Variants in PABPC4L observed in about 807,000 individuals in gnomAD.
PABPC4L encodes the protein polyadenylate-binding protein 4-like.
For missense variants in PABPC4L, 452 were observed against 451.4 expected (o/e 1.00, Z -0.01); for synonymous variants, 169 against 164.1 (o/e 1.03, Z -0.23).
chr4:134,156,767 A>T, the PABPC4L span, among the ~76,000 whole-genome samples: 1 of 151,854 alleles, frequency 6.6e-6, no homozygotes, highest in Admixed American at 6.6e-5. Context: ...TTGTTATCCC[A>T]TAACACAACT....
At chr4:134,201,417 G>T (rs1209269358) in intron 1 of PABPC4L, among the ~76,000 whole-genome samples, 172 bp from the exon 2 acceptor site, 1 of 152,124 alleles carries the variant, frequency 6.6e-6, no homozygotes, top group East Asian at 1.9e-4. Flanking sequence ...AGTTACAGCC[G>T]CTCAGGGAAG....
the PABPC4L span, among the ~76,000 whole-genome samples, chr4:134,162,939 T>G: frequency 6.6e-6 from 1 of 152,190 alleles, no homozygotes; most frequent in Non-Finnish European, 1.5e-5. Flanking sequence ...GGCAACCCAA[T>G]ATCTCATTTA....
the PABPC4L span, among the ~76,000 whole-genome samples, chr4:133,973,706 T>A: frequency 6.6e-6 from 1 of 152,120 alleles, no homozygotes; most frequent in Non-Finnish European, 1.5e-5. Context: ...ACCACTCAGT[T>A]TATCTTTATT....
the PABPC4L span, among the ~76,000 whole-genome samples, chr4:134,084,226 T>C: frequency 1.5e-3 from 232 of 152,088 alleles, 1 homozygote; most frequent in African/African-American, 5.2e-3. Context: ...TTTTAAAAGA[T>C]TGTAGAGAAG....
At chr4:133,976,781 G>T in the PABPC4L span, among the ~76,000 whole-genome samples, 2 of 151,974 alleles carry the variant, frequency 1.3e-5, no homozygotes, top group Non-Finnish European at 2.9e-5. Flanking sequence ...ATCTGTTCAT[G>T]TCCTTTGCCC....
chr4:134,000,252 T>C, the PABPC4L span, among the ~76,000 whole-genome samples: 4 of 152,244 alleles, frequency 2.6e-5, no homozygotes, highest in African/African-American at 7.2e-5. Flanking sequence ...ACAGCATTAA[T>C]GCCATGAACA....
the PABPC4L span, among the ~76,000 whole-genome samples, chr4:134,156,916 C>G: frequency 6.6e-6 from 1 of 151,862 alleles, no homozygotes; most frequent in East Asian, 1.9e-4. Context: ...CTGAGGTACA[C>G]TCTAATTTAG....
Position 134,196,955 on chromosome 4 carries a change from T to C in PABPC4L, c.*2952A>G, listed in dbSNP as rs1246813633. The C allele has an allele frequency of 6.6e-6, 1 of 151,724 alleles. No individual in the cohort carries two copies. The highest frequency in any genetic ancestry group is 1.5e-5 in the Non-Finnish European group (1 of 67,636). 9.4% of individuals were successfully genotyped at this position (151,724 alleles called of 1,614,324 possible). A position where few individuals can be genotyped will look rare whatever the true frequency, so the allele number is the denominator to read the frequency against. ...ACTACTTACATACATGAAAGAACTC[T>C]GTTTCCTGATATTATCTTGAAAGAT... On this transcript the variant is annotated 3_prime_UTR_variant, in exon 2 of 2. Transcript: ENST00000421491.
the PABPC4L span, among the ~76,000 whole-genome samples, chr4:134,012,801 C>A: frequency 2.6e-5 from 4 of 152,238 alleles, no homozygotes; most frequent in African/African-American, 9.6e-5. Context: ...CTTCTCCAAC[C>A]TCCCTCACTA....
At chr4:134,050,626 A>G in the PABPC4L span, among the ~76,000 whole-genome samples, 1 of 145,384 alleles carries the variant, frequency 6.9e-6, no homozygotes, top group African/African-American at 2.6e-5. Context: ...AATCACTTGA[A>G]TCTGGGAGGC....
the PABPC4L span, among the ~76,000 whole-genome samples, chr4:134,083,784 C>A: frequency 3.3e-5 from 5 of 152,132 alleles, no homozygotes; most frequent in Non-Finnish European, 7.3e-5. Context: ...CAGAATAATA[C>A]ATACATTCTA....
the PABPC4L span, among the ~76,000 whole-genome samples, chr4:134,163,424 C>T: frequency 3.3e-5 from 5 of 152,052 alleles, no homozygotes; most frequent in African/African-American, 9.7e-5. Context: ...TTCTACCAGA[C>T]ATTCAAATAA....
the PABPC4L span, among the ~76,000 whole-genome samples, chr4:134,072,013 A>T: frequency 6.6e-6 from 1 of 151,038 alleles, no homozygotes; most frequent in Non-Finnish European, 1.5e-5. Flanking sequence ...AGAATACATG[A>T]CATCATGGAC....
the PABPC4L span, among the ~76,000 whole-genome samples, chr4:134,046,175 T>G: frequency 6.6e-6 from 1 of 152,036 alleles, no homozygotes; most frequent in Non-Finnish European, 1.5e-5. Flanking sequence ...TTGATTACTA[T>G]TTTCACTATC....
chr4:133,969,278 C>A, the PABPC4L span, among the ~76,000 whole-genome samples: 1 of 152,174 alleles, frequency 6.6e-6, no homozygotes, highest in Non-Finnish European at 1.5e-5. Flanking sequence ...TGAAACTTTT[C>A]TGTGAAACTG....
chr4:134,153,947 G>A, the PABPC4L span, among the ~76,000 whole-genome samples: 1 of 150,354 alleles, frequency 6.7e-6, no homozygotes, highest in South Asian at 2.1e-4. Flanking sequence ...TAAATTAGGA[G>A]AGGATTTTAA....
At chr4:133,966,293 T>G in the PABPC4L span, among the ~76,000 whole-genome samples, 1 of 151,992 alleles carries the variant, frequency 6.6e-6, no homozygotes. Context: ...ATGGCCATAA[T>G]AAAAAAATCA....
At chr4:134,043,514 GA>G in the PABPC4L span, among the ~76,000 whole-genome samples, 10 of 151,842 alleles carry the variant, frequency 6.6e-5, no homozygotes, top group African/African-American at 2.2e-4. Flanking sequence ...GAAAGTAATG[GA>G]AAAAAACACA....
the PABPC4L span, among the ~76,000 whole-genome samples, chr4:134,126,792 G>T: frequency 6.6e-6 from 1 of 152,132 alleles, no homozygotes; most frequent in East Asian, 1.9e-4. Flanking sequence ...CTTTGGAGGA[G>T]GTAGATTTCC....
Sources: gnomAD v4.1 joint callset for allele counts (sites outside exome capture counted in the v4.1 genomes callset) on GRCh38, gnomAD v4.1.1 for gene constraint, MANE v1.5 for transcripts, NCBI Gene and HGNC (gene_info 2026-07-23, HGNC 2026-07-21) for gene names.